SUFU: variants seen among roughly 807,000 people sequenced by gnomAD.
SUFU encodes the protein SUFU negative regulator of hedgehog signaling.
In SUFU, 7 loss-of-function variants were observed where a neutral mutation model predicts 58.9. That is an observed-to-expected ratio of 0.12 (90% CI 0.07 to 0.22). The LOEUF (loss-of-function observed/expected upper bound fraction) is 0.22, where lower values mean the gene tolerates loss of function less well. SUFU is among the 10% of genes least tolerant of loss of function. SUFU has a pLI of 1.00. For synonymous variants in SUFU, 232 were observed against 254.8 expected, an observed-to-expected ratio of 0.91 and a Z score of 0.85; for missense variants, 451 against 641.3, an observed-to-expected ratio of 0.70 and a Z score of 3.20.
At position 102,520,473 on chromosome 10, in the gene SUFU, G is replaced by A. The variant is rs111723806; in HGVS notation, c.317+11170G>A. Among the ~76,000 whole-genome samples the A allele has an allele frequency of 5.4e-3, 825 of 151,948 alleles. 12 individuals are homozygous for A. The highest frequency in any genetic ancestry group is 0.018 in the African/African-American group (750 of 41,442). On this transcript the variant is annotated intron_variant, in intron 2 of 11. Transcript: ENST00000369902. ...GACCTCAGGTGATCCAACCACCTCG[G>A]CCTCCCAAAGTGCTGGGATTACAGG...
At chr10:102,523,203 C>G (rs1424915218) in intron 2 of SUFU, among the ~76,000 whole-genome samples, 1 of 152,174 alleles carries the variant, frequency 6.6e-6, no homozygotes, top group Non-Finnish European at 1.5e-5. Context: ...TTCCTTCCTA[C>G]TCCTATGTTA....
chr10:102,514,892 C>T (rs548736339), intron 2 of SUFU, among the ~76,000 whole-genome samples: 1 of 152,330 alleles, frequency 6.6e-6, no homozygotes, highest in African/African-American at 2.4e-5. Flanking sequence ...GGCAGACTTC[C>T]CTGGTGGGAT....
intron 2 of SUFU, among the ~76,000 whole-genome samples, chr10:102,535,930 A>AGATGATGATGAT (rs36203045): frequency 2.2e-4 from 33 of 148,832 alleles, no homozygotes; most frequent in Middle Eastern, 3.4e-3. Context: ...TCTAGGCTGG[A>AGATGATGATGAT]GATGATGATG....
At chr10:102,612,259 G>C (rs1032959919) in intron 8 of SUFU, among the ~76,000 whole-genome samples, 5 of 151,774 alleles carry the variant, frequency 3.3e-5, no homozygotes, top group African/African-American at 1.2e-4. Flanking sequence ...CATCGAAGCA[G>C]CATGCCGGAA....
chr10:102,541,523 C>G (rs1280399605), intron 2 of SUFU, among the ~76,000 whole-genome samples: 1 of 151,474 alleles, frequency 6.6e-6, no homozygotes, highest in African/African-American at 2.4e-5. Flanking sequence ...CTCAGCCTCC[C>G]TAGTAGCTGG....
chr10:102,626,917 C>G (rs1219847166), intron 10 of SUFU, among the ~76,000 whole-genome samples: 1 of 152,138 alleles, frequency 6.6e-6, no homozygotes, highest in Non-Finnish European at 1.5e-5. Flanking sequence ...ATTCCCAGCT[C>G]TCCCAGTGTC....
At chr10:102,623,028 G>T (rs917674719) in intron 10 of SUFU, among the ~76,000 whole-genome samples, 12 of 149,236 alleles carry the variant, frequency 8.0e-5, no homozygotes, top group African/African-American at 3.0e-4. Context: ...CATGGGCCTT[G>T]GCCTTACCCC....
rs1236947004 is a variant in SUFU, at chr10:102,599,470, C to T, written c.948C>T (p.Leu316=). 2.5e-6 allele frequency: 4 copies of T among 1,614,140 alleles called. No homozygotes were observed. Among genetic ancestry groups the T allele is most frequent in the South Asian group, 1.1e-5 (1 of 91,082 alleles). The change falls in exon 8 of 12, where the codon CTC becomes CTT. Residue 316 remains leucine (L), a synonymous_variant. Transcript: ENST00000369902. ...EQIRETLRRG[L]EINSKPVLPP... is the part of the protein sequence containing the mutation. Reference sequence around the variant, plus strand: ...TCCGGGAGACCCTGAGGAGAGGACTCGAGATCAACAGCAAACCTGTCCTTC... The same window carrying T: ...TCCGGGAGACCCTGAGGAGAGGACTTGAGATCAACAGCAAACCTGTCCTTC...
chr10:102,504,007 C>T lies in SUFU; in HGVS notation c.-146C>T, dbSNP rs2062284919. 6.0e-6 allele frequency: 7 copies of T among 1,163,988 alleles called. No homozygotes were observed. The highest frequency in any genetic ancestry group is 3.3e-5 in the African/African-American group (2 of 61,026). The allele number at this position is 1,163,988 out of a possible 1,614,324, so 72.1% of individuals were successfully genotyped here. ...GCGGCGACAGCCTGGGCGGACAGTG[C>T]GCCGTGCGCAGGCGCGGAGCTAGAC... is the stretch of plus-strand genomic sequence containing the variant. On this transcript the variant is annotated 5_prime_UTR_variant, in exon 1 of 12. Transcript: ENST00000369902.
intron 3 of SUFU, among the ~76,000 whole-genome samples, chr10:102,568,892 AAAAAAATAT>A (rs1270390646): frequency 7.6e-5 from 3 of 39,318 alleles, no homozygotes; most frequent in East Asian, 5.2e-4. Context: ...AAAAAAAAAA[AAAAAAATAT>A]ATATATATAT....
intron 2 of SUFU, among the ~76,000 whole-genome samples, chr10:102,537,525 G>C (rs910376467): frequency 6.6e-6 from 1 of 152,110 alleles, no homozygotes; most frequent in African/African-American, 2.4e-5. Context: ...TCCACTTTCA[G>C]AAACACTCTG....
rs139725961 is a variant in SUFU, at chr10:102,630,507, C to G, written c.*352C>G. On this transcript the variant is annotated 3_prime_UTR_variant, in exon 12 of 12. Transcript: ENST00000369902. Reference sequence around the variant, plus strand: ...AGACAGCCCTCTTTCTCACCTACCCCCTGCCGCACAGCCCAGCAGGAGGGA... The same window carrying G: ...AGACAGCCCTCTTTCTCACCTACCCGCTGCCGCACAGCCCAGCAGGAGGGA... 1.2e-3 allele frequency: 520 copies of G among 446,262 alleles called. 2 individuals are homozygous for G. Among genetic ancestry groups the G allele is most frequent in the Middle Eastern group, 2.6e-3 (4 of 1,532 alleles). 27.6% of individuals were successfully genotyped at this position (446,262 alleles called of 1,614,324 possible). A position where few individuals can be genotyped will look rare whatever the true frequency, so the allele number is the denominator to read the frequency against.
At chr10:102,534,781 T>C (rs1216306727) in intron 2 of SUFU, among the ~76,000 whole-genome samples, 1 of 152,084 alleles carries the variant, frequency 6.6e-6, no homozygotes, top group Non-Finnish European at 1.5e-5. Context: ...TACAGAGAGA[T>C]TGTAGAGAAG....
chr10:102,543,008 C>G (rs1272267084), intron 2 of SUFU, among the ~76,000 whole-genome samples: 1 of 152,186 alleles, frequency 6.6e-6, no homozygotes, highest in Non-Finnish European at 1.5e-5. Flanking sequence ...TCTTACAGCA[C>G]TTTGAGTCAT....
chr10:102,620,598 G>A (rs2063731516), intron 10 of SUFU, among the ~76,000 whole-genome samples: 2 of 152,332 alleles, frequency 1.3e-5, no homozygotes, highest in Non-Finnish European at 2.9e-5. Context: ...CGTCTGCCCT[G>A]CCATTTGCTG....
At chr10:102,551,996 A>T (rs1325229011) in intron 3 of SUFU, among the ~76,000 whole-genome samples, 2 of 151,934 alleles carry the variant, frequency 1.3e-5, no homozygotes, top group Admixed American at 6.6e-5. Context: ...AAGTGTTGGG[A>T]TTACAGGCGT....
chr10:102,627,168 T>C lies in SUFU; in HGVS notation c.1297-7T>C. The C allele has an allele frequency of 6.2e-7, 1 of 1,614,196 alleles. No homozygotes were observed. On this transcript the variant is annotated splice_region_variant and splice_polypyrimidine_tract_variant and intron_variant, in intron 10 of 11. Transcript: ENST00000369902. Reference sequence around the variant, plus strand: ...TAATAATAAAAGCCTGCCTTGTGCCTTCACAGATTCTGTTGACCGAAGAGT... The same window carrying C: ...TAATAATAAAAGCCTGCCTTGTGCCCTCACAGATTCTGTTGACCGAAGAGT...
chr10:102,545,134 G>C (rs1222227272), intron 2 of SUFU, among the ~76,000 whole-genome samples: 1 of 150,692 alleles, frequency 6.6e-6, no homozygotes, highest in Non-Finnish European at 1.5e-5. Flanking sequence ...TTTTAGACAA[G>C]GTCTTACTCT....
intron 3 of SUFU, among the ~76,000 whole-genome samples, chr10:102,557,779 C>T (rs1482078660): frequency 1.3e-5 from 2 of 152,138 alleles, no homozygotes; most frequent in Non-Finnish European, 2.9e-5. Context: ...TCTGCAGACT[C>T]TCCCCATGTG....
Sources: allele counts gnomAD v4.1 joint callset (sites outside exome capture counted in the v4.1 genomes callset), GRCh38; gene constraint gnomAD v4.1.1; transcripts MANE v1.5; gene names NCBI Gene and HGNC (gene_info 2026-07-23, HGNC 2026-07-21).